CFAP97: variants seen among roughly 807,000 people sequenced by gnomAD.
CFAP97 encodes the protein cilia- and flagella-associated protein 97.
CFAP97 carries 36 observed loss-of-function variants against 43.1 expected under a neutral mutation model. The observed-to-expected ratio is 0.84, with a 90% CI of 0.64 to 1.10. The LOEUF (loss-of-function observed/expected upper bound fraction) is 1.10. CFAP97 is among the 50% of genes least tolerant of loss of function. The pLI is 0.00. For synonymous variants in CFAP97, 228 were observed against 225.7 expected, an observed-to-expected ratio of 1.01 and a Z score of -0.09; for missense variants, 657 against 620.3, an observed-to-expected ratio of 1.06 and a Z score of -0.63.
chr4:185,168,868 G>A lies in CFAP97; in HGVS notation c.1321-4689C>T, dbSNP rs1009886429. On this transcript the variant is annotated intron_variant, in intron 3 of 4. Coordinates refer to ENST00000458385, the MANE Select transcript of CFAP97 (RefSeq NM_020827.3). ...GAGGTTGTTGGAGCAAGCCGAGATCGTGCCACTGCACTCCAGCCTGGGCAA... is the reference window on the plus strand; with the variant it reads ...GAGGTTGTTGGAGCAAGCCGAGATCATGCCACTGCACTCCAGCCTGGGCAA... Among the ~76,000 whole-genome samples, 6 of 151,556 alleles carry A rather than the reference G, an allele frequency of 4.0e-5. No individual in the cohort carries two copies. The East Asian group carries it at 5.8e-4, about 15-fold the overall frequency.
chr4:185,191,271 A>G (rs1202150420), intron 1 of CFAP97, 59 bp from the exon 2 acceptor site: 5 of 1,163,870 alleles, frequency 4.3e-6, no homozygotes, highest in Non-Finnish European at 5.7e-6. Flanking sequence ...TTCCATTTGT[A>G]TACAATAATT....
intron 2 of CFAP97, among the ~76,000 whole-genome samples, chr4:185,180,698 T>C (rs904559788): frequency 6.6e-6 from 1 of 152,182 alleles, no homozygotes; most frequent in Non-Finnish European, 1.5e-5. Context: ...TTGTACTTTT[T>C]TCCTGTAATC....
intron 2 of CFAP97, among the ~76,000 whole-genome samples, chr4:185,189,402 G>T (rs143598603): frequency 1.2e-4 from 19 of 152,198 alleles, no homozygotes; most frequent in African/African-American, 4.3e-4. Flanking sequence ...GGAAGACAGA[G>T]AATTCTATTT....
At chr4:185,181,253 C>G (rs189464488) in intron 2 of CFAP97, among the ~76,000 whole-genome samples, 1 of 144,124 alleles carries the variant, frequency 6.9e-6, no homozygotes, top group African/African-American at 2.6e-5. Flanking sequence ...GAGCGAGACT[C>G]CGTCTCAAAA....
chr4:185,194,323 T>C (rs1736441899), intron 1 of CFAP97, among the ~76,000 whole-genome samples: 1 of 152,156 alleles, frequency 6.6e-6, no homozygotes, highest in Non-Finnish European at 1.5e-5. Context: ...ACTCCTTCTC[T>C]ACTAAAAATA....
At chr4:185,174,685 G>A (rs1579237219) in intron 3 of CFAP97, among the ~76,000 whole-genome samples, 1 of 152,224 alleles carries the variant, frequency 6.6e-6, no homozygotes, top group South Asian at 2.1e-4. Flanking sequence ...TAAAATCTTG[G>A]CTCAGCAGCA....
At position 185,175,841 on chromosome 4, in the gene CFAP97, T is replaced by A. The variant is rs774406345; in HGVS notation, c.1265A>T (p.Tyr422Phe). Residue 422 changes from tyrosine (Y) to phenylalanine (F), a missense_variant, in exon 3 of 5, where the codon TAT becomes TTT. Transcript: ENST00000458385. ...CTTCTGTCTGTTGAGAGCACTGTGA[T>A]ATAACTTTGGGGGATGATCAGCCGA... ...PRSADHPPKL[Y>F]HSALNRQKEQ... is the part of the protein sequence containing the mutation. 3 of 1,613,986 alleles carry A rather than the reference T, an allele frequency of 1.9e-6. No homozygotes were observed. In the South Asian group the frequency reaches 3.3e-5, roughly 18 times the overall value.
chr4:185,204,119 A>C (rs1276961149), upstream of CFAP97: 2 of 151,518 alleles, frequency 1.3e-5, no homozygotes, highest in South Asian at 2.1e-4. Context: ...GCAGGCGGCC[A>C]GGCCGGGGCT....
At chr4:185,205,583 C>G (rs1252365213), upstream of CFAP97, among the ~76,000 whole-genome samples, 1 of 152,174 alleles carries the variant, frequency 6.6e-6, no homozygotes, top group Non-Finnish European at 1.5e-5. Context: ...TAATTCCGCA[C>G]TTTGAGAGGC....
intron 2 of CFAP97, 57 bp from the exon 3 acceptor site, chr4:185,176,108 G>GC: frequency 8.2e-7 from 1 of 1,215,648 alleles, no homozygotes; most frequent in East Asian, 2.7e-5. Context: ...TGTGGTACAT[G>GC]CTTTTTTTTT....
intron 1 of CFAP97, among the ~76,000 whole-genome samples, chr4:185,192,677 T>G (rs2111397075): frequency 6.6e-6 from 1 of 152,004 alleles, no homozygotes; most frequent in South Asian, 2.1e-4. Context: ...TATCTATTAC[T>G]GATAAGCTTA....
chr4:185,162,641 C>T lies in CFAP97; in HGVS notation c.*157G>A. ...CTTTTTACATTAAATCGTTTTTTGA[C>T]AATAATTTTGCACTGAATAACAATA... On this transcript the variant is annotated 3_prime_UTR_variant, in exon 5 of 5. Transcript: ENST00000458385. The T allele has an allele frequency of 2.7e-6, 2 of 748,444 alleles. No homozygotes were observed. Among genetic ancestry groups the T allele is most frequent in the South Asian group, 3.8e-5 (2 of 52,336 alleles). The allele number at this position is 748,444 out of a possible 1,614,324, so 46.4% of individuals were successfully genotyped here. A position where few individuals can be genotyped will look rare whatever the true frequency, so the allele number is the denominator to read the frequency against.
upstream of CFAP97, among the ~76,000 whole-genome samples, chr4:185,208,018 A>G (rs1737264907): frequency 6.6e-6 from 1 of 152,224 alleles, no homozygotes; most frequent in Non-Finnish European, 1.5e-5. Flanking sequence ...TTGGGTTGGT[A>G]GGGTACACTT....
At chr4:185,167,677 T>C (rs1231765181) in intron 3 of CFAP97, among the ~76,000 whole-genome samples, 1 of 152,062 alleles carries the variant, frequency 6.6e-6, no homozygotes, top group African/African-American at 2.4e-5. Flanking sequence ...TCTAAAGTGC[T>C]TAAAATAGTG....
intron 2 of CFAP97, among the ~76,000 whole-genome samples, chr4:185,180,024 T>C (rs1366193014): frequency 1.3e-5 from 2 of 152,164 alleles, no homozygotes; most frequent in African/African-American, 4.8e-5. Flanking sequence ...GATGTTCACA[T>C]CTTGAGTTCT....
chr4:185,163,923 C>T (rs1734967447), intron 4 of CFAP97, 106 bp downstream of exon 4: 1 of 953,228 alleles, frequency 1.0e-6, no homozygotes, highest in Non-Finnish European at 1.6e-6. Flanking sequence ...TAACAGAACG[C>T]ATTCCAGAGT....
At chr4:185,195,553 A>G (rs867398585) in intron 1 of CFAP97, among the ~76,000 whole-genome samples, 11 of 152,232 alleles carry the variant, frequency 7.2e-5, no homozygotes, top group Admixed American at 5.2e-4. Context: ...AAACAATGCT[A>G]TATTCTTCAT....
intron 1 of CFAP97, among the ~76,000 whole-genome samples, chr4:185,193,959 T>C (rs1381542300): frequency 6.6e-6 from 1 of 152,140 alleles, no homozygotes; most frequent in African/African-American, 2.4e-5. Context: ...TGTAGATAAA[T>C]ATTACGATTC....
upstream of CFAP97, among the ~76,000 whole-genome samples, chr4:185,204,738 A>G (rs967742123): frequency 6.6e-6 from 1 of 152,210 alleles, no homozygotes; most frequent in Non-Finnish European, 1.5e-5. Context: ...AGAAGTTCAA[A>G]GTCAGTAGTG....
Sources: gnomAD v4.1 joint callset for allele counts (sites outside exome capture counted in the v4.1 genomes callset) on GRCh38, gnomAD v4.1.1 for gene constraint, MANE v1.5 for transcripts, NCBI Gene and HGNC (gene_info 2026-07-23, HGNC 2026-07-21) for gene names.